The following CHODL variants were observed in gnomAD, a reference collection of about 807,000 sequenced individuals.
The protein encoded by CHODL is transmembrane protein MT75.
In CHODL, 29 loss-of-function variants were observed where a neutral mutation model predicts 34.5. That is an observed-to-expected ratio of 0.84 (90% CI 0.63 to 1.15). CHODL has a LOEUF of 1.15. CHODL is among the 50% of genes most tolerant of loss of function. CHODL has a pLI of 0.00. For synonymous variants in CHODL, 125 were observed against 116.1 expected (o/e 1.08, Z -0.49); for missense variants, 332 against 332.5 (o/e 1.00, Z 0.01).
At chr21:18,194,479 T>A (rs906821190) in intron 2 of CHODL, among the ~76,000 whole-genome samples, 2 of 152,164 alleles carry the variant, frequency 1.3e-5, no homozygotes, top group African/African-American at 4.8e-5. Context: ...CGCTCCTGAT[T>A]TTCTCACGGC....
At chr21:18,234,080 T>G (rs2074006714) in intron 2 of CHODL, among the ~76,000 whole-genome samples, 3 of 152,170 alleles carry the variant, frequency 2.0e-5, no homozygotes, top group African/African-American at 7.2e-5. Context: ...TGCACATTAA[T>G]ATAAGTGCAA....
chr21:18,036,534 C>T (rs1315321553), intron 2 of CHODL, among the ~76,000 whole-genome samples: 1 of 152,052 alleles, frequency 6.6e-6, no homozygotes, highest in Non-Finnish European at 1.5e-5. Context: ...TTTCCCTGCA[C>T]TGTGGCCTGG....
intron 2 of CHODL, among the ~76,000 whole-genome samples, chr21:18,086,801 T>C (rs1343239423): frequency 1.3e-5 from 2 of 152,160 alleles, no homozygotes; most frequent in Non-Finnish European, 2.9e-5. Flanking sequence ...GGCTCTGGTG[T>C]TAGTGGCTTC....
At chr21:18,189,160 A>G (rs2073480814) in intron 2 of CHODL, among the ~76,000 whole-genome samples, 1 of 151,712 alleles carries the variant, frequency 6.6e-6, no homozygotes, top group African/African-American at 2.4e-5. Context: ...AACACAAGTG[A>G]CTCCATTTTG....
intron 1 of CHODL, among the ~76,000 whole-genome samples, chr21:17,971,786 C>T (rs1018204089): frequency 1.3e-5 from 2 of 152,110 alleles, no homozygotes; most frequent in Admixed American, 1.3e-4. Flanking sequence ...AGAGCAACTC[C>T]TCCCCAACAC....
chr21:18,257,840 C>T (rs2146815414), intron 3 of CHODL, among the ~76,000 whole-genome samples: 1 of 152,222 alleles, frequency 6.6e-6, no homozygotes, highest in South Asian at 2.1e-4. Context: ...TAGGACGGAT[C>T]GTCTGAATTC....
At chr21:18,039,000 A>C (rs572692268) in intron 2 of CHODL, among the ~76,000 whole-genome samples, 1 of 151,784 alleles carries the variant, frequency 6.6e-6, no homozygotes, top group South Asian at 2.1e-4. Context: ...AGACTTACCT[A>C]GATAAGTCCA....
chr21:18,241,796 G>A (rs183452078), upstream of CHODL, among the ~76,000 whole-genome samples: 5 of 152,248 alleles, frequency 3.3e-5, no homozygotes, highest in South Asian at 2.1e-4. Flanking sequence ...TTTTGAAAAC[G>A]TTGGATTCCA....
chr21:18,044,548 G>T (rs906982332), intron 2 of CHODL, among the ~76,000 whole-genome samples: 1 of 151,722 alleles, frequency 6.6e-6, no homozygotes, highest in African/African-American at 2.4e-5. Flanking sequence ...GACTCATTGT[G>T]GTCCATAAGA....
At chr21:18,095,967 A>G (rs1345428272) in intron 2 of CHODL, among the ~76,000 whole-genome samples, 1 of 152,196 alleles carries the variant, frequency 6.6e-6, no homozygotes, top group Non-Finnish European at 1.5e-5. Flanking sequence ...TTCATGATAA[A>G]TGTTTCGGGA....
chr21:17,931,012 C>T (rs1470332688), intron 1 of CHODL, among the ~76,000 whole-genome samples: 1 of 152,184 alleles, frequency 6.6e-6, no homozygotes, highest in Non-Finnish European at 1.5e-5. Flanking sequence ...GTCATCAGCC[C>T]TGGCACAAGG....
In CHODL at chr21:18,265,944, T is replaced by C. The variant is rs781213599; in HGVS notation, c.738-10T>C. 1.8e-5 allele frequency: 29 copies of C among 1,606,356 alleles called. No homozygotes were observed. The highest frequency in any genetic ancestry group is 2.1e-5 in the Non-Finnish European group (25 of 1,177,502). ...TTTAGGCACTAAACATTTTTTCTTA[T>C]GTTTTTCAGTAAAGGAAGAACAAAA... On this transcript the variant is annotated splice_polypyrimidine_tract_variant and intron_variant, in intron 5 of 5. Coordinates refer to ENST00000299295, the MANE Select transcript of CHODL (RefSeq NM_024944.3).
intron 1 of CHODL, among the ~76,000 whole-genome samples, chr21:17,937,621 C>T (rs529766924): frequency 6.6e-6 from 1 of 152,318 alleles, no homozygotes; most frequent in Admixed American, 6.5e-5. Flanking sequence ...TGATGATCTT[C>T]ACACTAGCTT....
At position 18,237,238 on chromosome 21, in the gene CHODL, G is replaced by C. The variant is rs77076358; in HGVS notation, c.-44-19271G>C. Among the ~76,000 whole-genome samples the C allele has an allele frequency of 5.1e-3, 773 of 152,220 alleles. 11 individuals are homozygous for C. The highest frequency in any genetic ancestry group is 0.018 in the African/African-American group (743 of 41,536). On this transcript the variant is annotated intron_variant, in intron 2 of 6. Coordinates refer to the CHODL transcript ENST00000400127. ...GTTACTGGTGGGAGCATATAGCAGT[G>C]TGGAAGTAGAAAAGCAAAATTTAGA...
At chr21:18,016,513 G>A (rs139169624) in intron 1 of CHODL, among the ~76,000 whole-genome samples, 1 of 152,326 alleles carries the variant, frequency 6.6e-6, no homozygotes, top group African/African-American at 2.4e-5. Flanking sequence ...CCAGGCGCAT[G>A]ACCTTGCTAC....
At chr21:18,125,902 T>G (rs1455338762) in intron 2 of CHODL, among the ~76,000 whole-genome samples, 3 of 152,244 alleles carry the variant, frequency 2.0e-5, no homozygotes, top group Non-Finnish European at 2.9e-5. Flanking sequence ...TTCACTCCAA[T>G]TTTGAAAGAA....
At chr21:17,965,670 T>C (rs1473995365) in intron 1 of CHODL, among the ~76,000 whole-genome samples, 1 of 152,090 alleles carries the variant, frequency 6.6e-6, no homozygotes, top group Non-Finnish European at 1.5e-5. Flanking sequence ...AGATTGTGAG[T>C]TTCTTGAGCA....
rs542909410 is a variant in CHODL, at chr21:17,920,099, C to T, written c.-145+2699C>T. 2.3e-4 allele frequency among the ~76,000 whole-genome samples: 35 copies of T among 152,332 alleles called. No individual in the cohort carries two copies. In the Middle Eastern group the frequency reaches 0.014, roughly 59 times the overall value. ...CTCTAGGGAGTTCCAAACTTTCCCA[C>T]ATTTTTCTGTTTTCTTCTGAACCCT... On this transcript the variant is annotated intron_variant, in intron 1 of 6. Transcript: ENST00000400127.
At chr21:18,246,121 G>A (rs1393614449) in intron 1 of CHODL, among the ~76,000 whole-genome samples, 1 of 152,200 alleles carries the variant, frequency 6.6e-6, no homozygotes, top group Admixed American at 6.5e-5. Flanking sequence ...TACTTTTTGG[G>A]ACGGTCTCTT....
Sources: allele counts gnomAD v4.1 joint callset (sites outside exome capture counted in the v4.1 genomes callset), GRCh38; gene constraint gnomAD v4.1.1; transcripts MANE v1.5; gene names NCBI Gene and HGNC (gene_info 2026-07-23, HGNC 2026-07-21).